Variants in KDM4C observed in about 807,000 individuals in gnomAD.
KDM4C encodes the protein lysine demethylase 4C.
In KDM4C, 81 loss-of-function variants were observed where a neutral mutation model predicts 129.3. The observed-to-expected ratio is 0.63, with a 90% CI of 0.52 to 0.75. KDM4C has a LOEUF of 0.75. Among genes scored for constraint, KDM4C ranks in the 30% least tolerant of loss-of-function variants. KDM4C has a pLI of 0.00. For missense variants in KDM4C, 1,457 were observed against 1,304.0 expected (o/e 1.12, Z -1.81); for synonymous variants, 573 against 456.1 (o/e 1.26, Z -3.26).
intron 4 of KDM4C, among the ~76,000 whole-genome samples, chr9:6,832,511 C>G (rs1452136882): frequency 3.0e-5 from 4 of 133,888 alleles, no homozygotes; most frequent in Admixed American, 7.4e-5. Context: ...CTGCAAGCTC[C>G]GCCTCCTGGG....
At chr9:7,064,082 A>C (rs1463346703) in intron 17 of KDM4C, among the ~76,000 whole-genome samples, 1 of 152,204 alleles carries the variant, frequency 6.6e-6, no homozygotes, top group African/African-American at 2.4e-5. Flanking sequence ...GCTATGTGTA[A>C]AATCTGAAGC....
chr9:6,990,481 A>C lies in KDM4C; in HGVS notation c.1743A>C (p.Arg581Ser). The C allele has an allele frequency of 6.2e-7, 1 of 1,613,634 alleles. No individual in the cohort carries two copies. The highest frequency in any genetic ancestry group is 8.5e-7 in the Non-Finnish European group (1 of 1,179,902). ...ATCCACTTAGCAGGCCTCCAGCAAG[A>C]TCTCCGATGACTCTTGTGAAGCAGC... ...WRHPLSRPPA[R>S]SPMTLVKQQA... Residue 581 changes from arginine to serine, a missense_variant, in exon 12 of 22, where the codon AGA becomes AGC. Arg to Ser is a moderately radical substitution (Grantham distance 110, BLOSUM62 -1). Coordinates refer to ENST00000381309, the MANE Select transcript of KDM4C (RefSeq NM_015061.6).
chr9:6,988,368 C>G (rs1456704981), intron 11 of KDM4C, among the ~76,000 whole-genome samples: 1 of 151,970 alleles, frequency 6.6e-6, no homozygotes, highest in Non-Finnish European at 1.5e-5. Context: ...GATTATAGAT[C>G]TAGTGCTGTT....
chr9:6,920,741 T>C (rs751416101), intron 8 of KDM4C, among the ~76,000 whole-genome samples: 4 of 152,096 alleles, frequency 2.6e-5, no homozygotes, highest in Non-Finnish European at 5.9e-5. Context: ...GTGCTTACAT[T>C]CTTGGTCTTG....
chr9:6,722,086 C>T (rs1816973108), intron 1 of KDM4C, among the ~76,000 whole-genome samples: 1 of 152,172 alleles, frequency 6.6e-6, no homozygotes. Context: ...AGGAACTGTT[C>T]CGTGCTGGTT....
intron 19 of KDM4C, among the ~76,000 whole-genome samples, chr9:7,156,367 A>G (rs1587911148): frequency 6.6e-6 from 1 of 152,206 alleles, no homozygotes; most frequent in East Asian, 1.9e-4. Flanking sequence ...ATTTCATGCC[A>G]TTTGTCAATT....
chr9:7,028,304 G>T (rs1008677276), intron 15 of KDM4C, among the ~76,000 whole-genome samples: 8 of 151,852 alleles, frequency 5.3e-5, no homozygotes, highest in African/African-American at 1.9e-4. Context: ...GTCAGCAGAT[G>T]ATGGGTCTTG....
At chr9:6,882,008 T>C (rs1327348830) in intron 6 of KDM4C, among the ~76,000 whole-genome samples, 1 of 152,274 alleles carries the variant, frequency 6.6e-6, no homozygotes, top group African/African-American at 2.4e-5. Context: ...TTGCCTTTTA[T>C]GCATGAATGC....
Position 6,814,727 on chromosome 9 carries a change from T to C in KDM4C, c.417T>C (p.Asn139=), listed in dbSNP as rs1831762686. The C allele has an allele frequency of 1.3e-6, 2 of 1,598,580 alleles. No individual in the cohort carries two copies. Among genetic ancestry groups the C allele is most frequent in the South Asian group, 2.2e-5 (2 of 90,330 alleles). ...CACCTATCTATGGTGCAGATATTAATGGGAGCATATATGATGAGGTACATT... is the reference window on the plus strand; with the variant it reads ...CACCTATCTATGGTGCAGATATTAACGGGAGCATATATGATGAGGTACATT... The part of the protein sequence containing the change: ...FVAPIYGADI[N]GSIYDEGVDE... Residue 139 remains asparagine (N), a synonymous_variant, in exon 4 of 22, where the codon AAT becomes AAC. Transcript: ENST00000381309.
intron 6 of KDM4C, among the ~76,000 whole-genome samples, chr9:6,881,821 T>C (rs139814628): frequency 0.017 from 2,595 of 152,330 alleles, 32 homozygotes; most frequent in Non-Finnish European, 0.029. Context: ...TTGTATCTGA[T>C]GACCAGATGC....
At chr9:6,752,862 ATATCTTTT>A (rs1818119661), upstream of KDM4C, among the ~76,000 whole-genome samples, 1 of 152,158 alleles carries the variant, frequency 6.6e-6, no homozygotes, top group African/African-American at 2.4e-5. Context: ...CTCAATGAAG[ATATCTTTT>A]AAGTTCATGC....
chr9:6,895,092 T>C (rs1183656927), intron 8 of KDM4C, among the ~76,000 whole-genome samples: 1 of 152,210 alleles, frequency 6.6e-6, no homozygotes, highest in African/African-American at 2.4e-5. Context: ...TTCAGTGTTA[T>C]GGCCACCCCT....
chr9:7,141,551 A>G (rs1483310586), intron 19 of KDM4C, among the ~76,000 whole-genome samples: 1 of 152,210 alleles, frequency 6.6e-6, no homozygotes, highest in East Asian at 1.9e-4. Context: ...GGGCCAAGGA[A>G]GAAAGATGTG....
chr9:6,899,290 G>C (rs1333003336), intron 8 of KDM4C, among the ~76,000 whole-genome samples: 1 of 151,874 alleles, frequency 6.6e-6, no homozygotes, highest in Non-Finnish European at 1.5e-5. Flanking sequence ...TAACCAGAGA[G>C]GTGCATTTGT....
At chr9:7,131,490 G>C (rs1468044196) in intron 19 of KDM4C, among the ~76,000 whole-genome samples, 1 of 152,010 alleles carries the variant, frequency 6.6e-6, no homozygotes, top group African/African-American at 2.4e-5. Flanking sequence ...GAAGTCCCAA[G>C]ATATTTTTGT....
chr9:7,118,947 T>C (rs1222861052), intron 18 of KDM4C, among the ~76,000 whole-genome samples: 1 of 152,138 alleles, frequency 6.6e-6, no homozygotes, highest in Non-Finnish European at 1.5e-5. Flanking sequence ...GCAAAGAATC[T>C]TCCCTCATTC....
At chr9:6,803,318 A>T (rs1829347980) in intron 2 of KDM4C, among the ~76,000 whole-genome samples, 1 of 152,154 alleles carries the variant, frequency 6.6e-6, no homozygotes, top group Non-Finnish European at 1.5e-5. Context: ...CATGCTTGTA[A>T]TCCCAACACT....
intron 3 of KDM4C, among the ~76,000 whole-genome samples, chr9:6,811,332 T>G (rs1316706014): frequency 6.6e-6 from 1 of 152,170 alleles, no homozygotes; most frequent in Non-Finnish European, 1.5e-5. Flanking sequence ...TTTTTTGTAT[T>G]TTAATGGAGA....
chr9:6,784,802 A>T (rs1825127751), intron 1 of KDM4C, among the ~76,000 whole-genome samples: 1 of 152,126 alleles, frequency 6.6e-6, no homozygotes, highest in African/African-American at 2.4e-5. Context: ...GTTGCTTTCT[A>T]AGCTGGGGCC....
Sources: gnomAD v4.1 joint callset for allele counts (sites outside exome capture counted in the v4.1 genomes callset) on GRCh38, gnomAD v4.1.1 for gene constraint, MANE v1.5 for transcripts, NCBI Gene and HGNC (gene_info 2026-07-23, HGNC 2026-07-21) for gene names.